PRKAG2: variants seen among roughly 807,000 people sequenced by gnomAD.
PRKAG2 encodes 5'-AMP-activated protein kinase subunit gamma-2.
A neutral mutation model predicts 69.6 loss-of-function variants in PRKAG2; 26 were observed. That is an observed-to-expected ratio of 0.37 (90% confidence interval 0.27 to 0.52). The LOEUF (loss-of-function observed/expected upper bound fraction) is 0.52. Ranked by LOEUF, PRKAG2 falls within the 20% of genes least tolerant of loss-of-function variation. The pLI is 0.90. For missense variants in PRKAG2, 557 were observed against 740.0 expected (o/e 0.75, Z 2.87); for synonymous variants, 293 against 285.0 (o/e 1.03, Z -0.28).
chr7:151,795,845 T>TTATA (rs1563689240), intron 1 of PRKAG2, among the ~76,000 whole-genome samples: 1 of 61,284 alleles, frequency 1.6e-5, no homozygotes, highest in Non-Finnish European at 2.9e-5. Context: ...CAAACAAATC[T>TTATA]CATATATATA....
chr7:151,720,246 G>C lies in PRKAG2; in HGVS notation c.467-44609C>G, dbSNP rs1032767037. 4.6e-5 allele frequency among the ~76,000 whole-genome samples: 7 copies of C among 152,138 alleles called. No homozygotes were observed. In the East Asian group the frequency reaches 1.3e-3, roughly 29 times the overall value. On this transcript the variant is annotated intron_variant, in intron 3 of 15. Coordinates refer to ENST00000287878, the MANE Select transcript of PRKAG2 (RefSeq NM_016203.4). ...GGTAGTGGAAGCCCAGATGGACACA[G>C]AGAGAAAGAACACAGACTTGCTGGT...
rs548417201 is a variant in PRKAG2, at chr7:151,807,364, T to C, written c.115-20823A>G. 9.5e-5 allele frequency: 43 copies of C among 453,478 alleles called. 1 individual carries two copies. Among genetic ancestry groups the C allele is most frequent in the South Asian group, 6.7e-4 (43 of 64,480 alleles). The allele number at this position is 453,478 out of a possible 1,614,324, so 28.1% of individuals were successfully genotyped here. On this transcript the variant is annotated intron_variant, in intron 1 of 15. Transcript: ENST00000287878. The surrounding 1 kb of genome is among the most constrained non-coding windows in gnomAD (Gnocchi z 4.4). The stretch of plus-strand genomic sequence containing the variant: ...ATCCTGGAATACTCCATGTGCTTTT[T>C]CATGCAGCGGGAGTGGAATTTTCAG...
intron 4 of PRKAG2, among the ~76,000 whole-genome samples, chr7:151,661,428 C>T (rs543577437): frequency 2.6e-5 from 4 of 152,138 alleles, no homozygotes; most frequent in East Asian, 1.9e-4. Context: ...TCCAACCCCC[C>T]ACCTTGGCCT....
intron 1 of PRKAG2, among the ~76,000 whole-genome samples, chr7:151,858,924 C>G (rs528880082): frequency 6.6e-6 from 1 of 152,158 alleles, no homozygotes; most frequent in Non-Finnish European, 1.5e-5. Context: ...CCTTGTCTCG[C>G]CCCTAGGAGG....
At chr7:151,872,911 C>G (rs994080709) in intron 1 of PRKAG2, among the ~76,000 whole-genome samples, 14 of 152,240 alleles carry the variant, frequency 9.2e-5, no homozygotes, top group African/African-American at 2.7e-4. Context: ...ACGCCTTAGG[C>G]CTGGTCTTCA....
chr7:151,841,207 C>T (rs1019165737), intron 1 of PRKAG2, among the ~76,000 whole-genome samples: 6 of 152,264 alleles, frequency 3.9e-5, no homozygotes, highest in South Asian at 2.1e-4. Flanking sequence ...TGGCTGGTCT[C>T]GGACTGCTGG....
intron 3 of PRKAG2, among the ~76,000 whole-genome samples, chr7:151,726,018 A>G (rs982582106): frequency 6.6e-6 from 1 of 152,150 alleles, no homozygotes; most frequent in Non-Finnish European, 1.5e-5. Context: ...TACAGTTCCC[A>G]GTCATGAATA....
intron 1 of PRKAG2, among the ~76,000 whole-genome samples, chr7:151,829,166 C>T (rs2078968421): frequency 6.6e-6 from 1 of 152,146 alleles, no homozygotes; most frequent in Admixed American, 6.5e-5. Flanking sequence ...AAGAACTGTT[C>T]AACTCAATAG....
chr7:151,629,696 G>C (rs957756416), intron 5 of PRKAG2, among the ~76,000 whole-genome samples: 7 of 152,032 alleles, frequency 4.6e-5, no homozygotes, highest in Admixed American at 3.9e-4. Flanking sequence ...AAAAATCTTG[G>C]TAATGAAAAT....
chr7:151,673,956 C>T (rs577343090), intron 4 of PRKAG2, among the ~76,000 whole-genome samples: 1 of 151,304 alleles, frequency 6.6e-6, no homozygotes, highest in Non-Finnish European at 1.5e-5. Flanking sequence ...GTTCTCATGC[C>T]TCAGTCTCCT....
rs149820808 is a variant in PRKAG2 at position 151,675,468 on chromosome 7, C to G, written c.636G>C (p.Pro212=). 6 of 1,613,992 alleles carry G rather than the reference C, an allele frequency of 3.7e-6. No individual in the cohort carries two copies. Among genetic ancestry groups the G allele is most frequent in the African/African-American group, 1.3e-5 (1 of 74,898 alleles). Residue 212 remains proline (P), a synonymous_variant, in exon 4 of 16, where the codon CCG becomes CCC. Coordinates refer to ENST00000287878, the MANE Select transcript of PRKAG2 (RefSeq NM_016203.4). The part of the protein sequence containing the change: ...QRFCPSSFQS[P]TRPPLASPTH... ...TCGGTGATGCCAGTGGAGGCCTGGT[C>G]GGGCTCTGGAAGGAAGACGGGCAGA... is the stretch of plus-strand genomic sequence containing the variant.
At chr7:151,581,668 G>A (rs971169940) in intron 6 of PRKAG2, among the ~76,000 whole-genome samples, 7 of 152,156 alleles carry the variant, frequency 4.6e-5, no homozygotes, top group African/African-American at 1.7e-4. Flanking sequence ...TTTACACCTT[G>A]TACAAATGAT....
intron 4 of PRKAG2, among the ~76,000 whole-genome samples, chr7:151,637,713 T>G (rs895624730): frequency 6.6e-6 from 1 of 152,036 alleles, no homozygotes; most frequent in South Asian, 2.1e-4. Flanking sequence ...TGAGGTTTTT[T>G]TTTTTTTTTT....
chr7:151,737,942 G>A (rs2073573364), intron 3 of PRKAG2, among the ~76,000 whole-genome samples: 1 of 136,596 alleles, frequency 7.3e-6, no homozygotes, highest in Non-Finnish European at 1.6e-5. Context: ...CCACTCCCAC[G>A]GGGCCTCCAT....
chr7:151,563,077 TTTC>T (rs1805443538), intron 14 of PRKAG2, among the ~76,000 whole-genome samples: 1 of 152,194 alleles, frequency 6.6e-6, no homozygotes, highest in Non-Finnish European at 1.5e-5. Flanking sequence ...CCCCACGTAT[TTTC>T]TTGTCATCTG....
At position 151,781,125 on chromosome 7, in the gene PRKAG2, C is replaced by T. The variant is rs2076646260; in HGVS notation, c.466+27G>A. The T allele has an allele frequency of 6.2e-7, 1 of 1,613,136 alleles. No individual in the cohort carries two copies. The highest frequency in any genetic ancestry group is 1.3e-5 in the African/African-American group (1 of 74,914). On this transcript the variant is annotated intron_variant, in intron 3 of 15. Transcript: ENST00000287878. The surrounding 1 kb of genome is among the most constrained non-coding windows in gnomAD (Gnocchi z 6.1). ...GAGACCCCCAGCACCCCAGCACCCACCTGAAACAATAGCATCAAGGTCTTA... is the reference window on the plus strand; with the variant it reads ...GAGACCCCCAGCACCCCAGCACCCATCTGAAACAATAGCATCAAGGTCTTA...
chr7:151,858,901 C>T (rs567870929), intron 1 of PRKAG2, among the ~76,000 whole-genome samples: 9 of 152,252 alleles, frequency 5.9e-5, no homozygotes, highest in African/African-American at 1.4e-4. Flanking sequence ...ATGGAGCTGA[C>T]GGGCACCCTA....
intron 1 of PRKAG2, among the ~76,000 whole-genome samples, chr7:151,818,654 C>A (rs1356738073): frequency 1.3e-5 from 2 of 152,234 alleles, no homozygotes; most frequent in African/African-American, 4.8e-5. Context: ...CACTGTCCTG[C>A]AAGATCTGTG....
chr7:151,601,338 T>C (rs1585148781), intron 5 of PRKAG2, among the ~76,000 whole-genome samples: 1 of 152,170 alleles, frequency 6.6e-6, no homozygotes, highest in Admixed American at 6.5e-5. Flanking sequence ...TAACAGTGAC[T>C]GTGTATTTCT....
Sources: allele counts gnomAD v4.1 joint callset (sites outside exome capture counted in the v4.1 genomes callset), GRCh38; gene constraint gnomAD v4.1.1; non-coding constraint Gnocchi (gnomAD v3.1); transcripts MANE v1.5; gene names NCBI Gene and HGNC (gene_info 2026-07-23, HGNC 2026-07-21).